C1orf21: variants seen among roughly 807,000 people sequenced by gnomAD.
C1orf21 encodes uncharacterized protein C1orf21.
In C1orf21, 3 loss-of-function variants were observed where a neutral mutation model predicts 18.7. The observed-to-expected ratio is 0.16, with a 90% CI of 0.07 to 0.42. The LOEUF is 0.42. C1orf21 is among the 10% of genes least tolerant of loss of function. C1orf21 has a pLI of 0.99. For synonymous variants in C1orf21, 41 were observed against 46.4 expected (o/e 0.88, Z 0.47); for missense variants, 104 against 143.6 (o/e 0.72, Z 1.41).
chr1:184,472,862 A>G (rs1488062875), intron 1 of C1orf21, among the ~76,000 whole-genome samples: 2 of 152,192 alleles, frequency 1.3e-5, no homozygotes, highest in Admixed American at 6.5e-5. Context: ...TTCCCTTCTG[A>G]TATCTGAAGC....
chr1:184,392,774 T>C (rs191590540), intron 1 of C1orf21, among the ~76,000 whole-genome samples: 109 of 152,122 alleles, frequency 7.2e-4, no homozygotes, highest in Admixed American at 1.9e-3. Context: ...CTGAAGATTT[T>C]TCATGTTTTT....
intron 3 of C1orf21, among the ~76,000 whole-genome samples, chr1:184,561,725 C>A (rs1435672316): frequency 6.6e-6 from 1 of 152,144 alleles, no homozygotes; most frequent in Non-Finnish European, 1.5e-5. Context: ...TCAAGTAATT[C>A]TCCTGCCTCA....
intron 1 of C1orf21, among the ~76,000 whole-genome samples, chr1:184,394,399 T>G (rs117814829): frequency 6.6e-6 from 1 of 152,194 alleles, no homozygotes; most frequent in Non-Finnish European, 1.5e-5. Context: ...GGAAAGGCGA[T>G]TGAGAAGTTG....
At chr1:184,464,913 C>A (rs1471156018) in intron 1 of C1orf21, among the ~76,000 whole-genome samples, 1 of 152,128 alleles carries the variant, frequency 6.6e-6, no homozygotes, top group South Asian at 2.1e-4. Context: ...TGCCTCAGTT[C>A]TCTCTCTTTC....
chr1:184,432,862 G>A (rs1307663551), intron 1 of C1orf21, among the ~76,000 whole-genome samples: 6 of 152,108 alleles, frequency 3.9e-5, no homozygotes, highest in Non-Finnish European at 5.9e-5. Flanking sequence ...AAGGAAAAGG[G>A]AATATAGAAT....
intron 3 of C1orf21, among the ~76,000 whole-genome samples, chr1:184,548,668 C>A (rs1001853206): frequency 1.3e-5 from 2 of 152,140 alleles, no homozygotes; most frequent in Admixed American, 1.3e-4. Flanking sequence ...TTTATTTTCA[C>A]TAACCTTTAA....
At chr1:184,517,692 A>G (rs1459789608) in intron 3 of C1orf21, among the ~76,000 whole-genome samples, 4 of 152,180 alleles carry the variant, frequency 2.6e-5, no homozygotes, top group Non-Finnish European at 5.9e-5. Context: ...GAGGTACTTC[A>G]TAGTTTGGGG....
chr1:184,410,640 TATATATATATATATA>T (rs1656326398), intron 1 of C1orf21, among the ~76,000 whole-genome samples: 1 of 4,904 alleles, frequency 2.0e-4, no homozygotes, highest in Non-Finnish European at 3.1e-4. Flanking sequence ...TATATATATA[TATATATATATATATA>T]TATATATATT....
At chr1:184,434,296 G>T (rs556026893) in intron 1 of C1orf21, among the ~76,000 whole-genome samples, 1 of 151,810 alleles carries the variant, frequency 6.6e-6, no homozygotes, top group East Asian at 1.9e-4. Flanking sequence ...GGCACTTGAT[G>T]TATATTACCT....
chr1:184,543,287 C>T (rs1658682557), intron 3 of C1orf21, among the ~76,000 whole-genome samples: 1 of 152,048 alleles, frequency 6.6e-6, no homozygotes, highest in Admixed American at 6.5e-5. Context: ...GAGGTCAAGG[C>T]TGCAGTGAGC....
At chr1:184,498,502 T>C (rs1462732780) in intron 2 of C1orf21, among the ~76,000 whole-genome samples, 3 of 152,188 alleles carry the variant, frequency 2.0e-5, no homozygotes, top group Non-Finnish European at 2.9e-5. Context: ...ACAGCCATCC[T>C]GTAAATCCAT....
At chr1:184,613,861 T>C (rs1237620598) in intron 5 of C1orf21, among the ~76,000 whole-genome samples, 1 of 151,622 alleles carries the variant, frequency 6.6e-6, no homozygotes. Context: ...GAAGAGACTG[T>C]TTCTCCCTAG....
chr1:184,437,200 C>T (rs1415141093), intron 1 of C1orf21, among the ~76,000 whole-genome samples: 1 of 152,072 alleles, frequency 6.6e-6, no homozygotes, highest in Non-Finnish European at 1.5e-5. Context: ...CTCTCGTACC[C>T]CCCTACATTT....
chr1:184,574,856 C>T (rs1002572277), intron 3 of C1orf21, among the ~76,000 whole-genome samples: 1 of 152,222 alleles, frequency 6.6e-6, no homozygotes, highest in Admixed American at 6.5e-5. Flanking sequence ...AGCAGCTGTC[C>T]CTGTCGGGCT....
rs533174831 is a variant in C1orf21 at position 184,486,336 on chromosome 1, C to T, written c.94+8733C>T. The stretch of plus-strand genomic sequence containing the variant: ...CAGCTGGGGTTTGATTCCAGTGTCA[C>T]CACTGCCTGTGCTGTTTTGGATTTA... On this transcript the variant is annotated intron_variant, in intron 2 of 5. Coordinates refer to ENST00000235307, the MANE Select transcript of C1orf21 (RefSeq NM_030806.4). 1.1e-4 allele frequency among the ~76,000 whole-genome samples: 16 copies of T among 152,306 alleles called. 1 individual carries two copies. The South Asian group carries it at 3.3e-3, about 32-fold the overall frequency.
chr1:184,568,192 TAC>T (rs1470209590), intron 3 of C1orf21, among the ~76,000 whole-genome samples: 2 of 152,188 alleles, frequency 1.3e-5, no homozygotes, highest in Admixed American at 6.5e-5. Flanking sequence ...TTTTACCACA[TAC>T]ACACACAAAA....
chr1:184,569,751 G>A (rs182306864), intron 3 of C1orf21, among the ~76,000 whole-genome samples: 92 of 152,316 alleles, frequency 6.0e-4, no homozygotes, highest in African/African-American at 2.2e-3. Context: ...GAAACTGGCT[G>A]TGACAGGGTG....
At chr1:184,516,462 T>C (rs1658230056) in intron 3 of C1orf21, among the ~76,000 whole-genome samples, 1 of 152,200 alleles carries the variant, frequency 6.6e-6, no homozygotes, top group African/African-American at 2.4e-5. Context: ...TTTACTGGAT[T>C]AGTCCATTTT....
chr1:184,586,334 G>C (rs966316066), intron 3 of C1orf21, among the ~76,000 whole-genome samples: 5 of 148,926 alleles, frequency 3.4e-5, no homozygotes, highest in African/African-American at 1.2e-4. Flanking sequence ...CCAGGCTGGA[G>C]TGCAGTGGTG....
Sources: allele counts gnomAD v4.1 joint callset (sites outside exome capture counted in the v4.1 genomes callset), GRCh38; gene constraint gnomAD v4.1.1; transcripts MANE v1.5; gene names NCBI Gene and HGNC (gene_info 2026-07-23, HGNC 2026-07-21).